Variants in RNF31 observed in about 807,000 individuals in gnomAD.
The protein encoded by RNF31 is E3 ubiquitin-protein ligase RNF31.
Under a neutral mutation model 133.6 loss-of-function variants are expected in RNF31, and 38 were observed. That is an observed-to-expected ratio of 0.28 (90% CI 0.22 to 0.37). The LOEUF (loss-of-function observed/expected upper bound fraction) is 0.37, where lower values mean the gene tolerates loss of function less well. RNF31 is among the 10% of genes least tolerant of loss of function. RNF31 has a pLI of 1.00. For missense variants in RNF31, 1,118 were observed against 1,394.1 expected (o/e 0.80, Z 3.15); for synonymous variants, 582 against 552.3 (o/e 1.05, Z -0.75).
In RNF31 at chr14:24,147,705, G is replaced by A; in HGVS notation, c.7G>A (p.Gly3Arg). The A allele has an allele frequency of 6.6e-7, 1 of 1,517,538 alleles. No homozygotes were observed. The highest frequency in any genetic ancestry group is 2.3e-4 in the Middle Eastern group (1 of 4,366). 94.0% of individuals were successfully genotyped at this position (1,517,538 alleles called of 1,614,324 possible). The change falls in exon 1 of 21, where the codon GGG (glycine) becomes AGG (arginine). Residue 3 changes from glycine (G) to arginine (R), a missense_variant. Physicochemically the swap from Gly to Arg is moderately radical, Grantham distance 125. Transcript: ENST00000324103. ...GGCTGACTCCTGCCTCAGGATGCCG[G>A]GGGAGGAAGAGGAGCGGGCCTTCCT... is the stretch of plus-strand genomic sequence containing the variant. MP[G>R]EEEERAFLVA...
Position 24,150,082 on chromosome 14 carries a change from A to G in RNF31, c.831A>G (p.Pro277=), listed in dbSNP as rs769494340. The G allele has an allele frequency of 6.3e-7, 1 of 1,590,768 alleles. No homozygotes were observed. The highest frequency in any genetic ancestry group is 8.6e-7 in the Non-Finnish European group (1 of 1,165,948). The change falls in exon 7 of 21, where the codon CCA becomes CCG. Residue 277 remains proline, a synonymous_variant. Coordinates refer to ENST00000324103, the MANE Select transcript of RNF31 (RefSeq NM_017999.5). The stretch of plus-strand genomic sequence containing the variant: ...ACAGTTTACCTGCCTCAGCCCAACC[A>G]CGGCCCCAGTCGACCTCCCTGCTGG... ...LSPSLPASAQ[P]RPQSTSLLAL...
chr14:24,157,221 G>C, intron 14 of RNF31, 69 bp from the exon 15 acceptor site: 1 of 1,186,380 alleles, frequency 8.4e-7, no homozygotes, highest in South Asian at 1.5e-5. Context: ...GATGTGAGTG[G>C]AGGGGCCAGC....
intron 14 of RNF31, among the ~76,000 whole-genome samples, chr14:24,156,735 C>T (rs2038345575): frequency 6.6e-6 from 1 of 151,630 alleles, no homozygotes; most frequent in Admixed American, 6.6e-5. Flanking sequence ...GCCAAGATCA[C>T]GCCATTGCAC....
intron 18 of RNF31, 41 bp downstream of exon 18, chr14:24,158,240 GCTGGGCTCCC>G: frequency 6.3e-7 from 1 of 1,590,980 alleles, no homozygotes; most frequent in Admixed American, 1.7e-5. Flanking sequence ...GAGATGGTGT[GCTGGGCTCCC>G]ACCGTGTGAT....
intron 11 of RNF31, among the ~76,000 whole-genome samples, chr14:24,154,057 G>T (rs112533935): frequency 6.7e-6 from 1 of 149,492 alleles, no homozygotes; most frequent in Admixed American, 6.7e-5. Context: ...GCGCAGTCGC[G>T]CAATCATGGC....
At chr14:24,157,792 A>T (rs941428600) in intron 16 of RNF31, 106 bp from the exon 17 acceptor site, 1 of 1,121,846 alleles carries the variant, frequency 8.9e-7, no homozygotes, top group African/African-American at 1.5e-5. Flanking sequence ...TTGCTCCTCC[A>T]ATGTCTCCAT....
In RNF31 at chr14:24,160,228, T is replaced by C. The variant is rs747068611; in HGVS notation, c.2997-11T>C. ...CAACACAACAAATATTCTGCTCCCTTTTCTCCCCAGGGCACACTACAAAGA... is the reference window on the plus strand; with the variant it reads ...CAACACAACAAATATTCTGCTCCCTCTTCTCCCCAGGGCACACTACAAAGA... On this transcript the variant is annotated splice_polypyrimidine_tract_variant and intron_variant, in intron 19 of 20. Transcript: ENST00000324103. The surrounding 1 kb of genome is among the most constrained non-coding windows in gnomAD (Gnocchi z 4.0). 4.4e-6 allele frequency: 7 copies of C among 1,606,248 alleles called. No individual in the cohort carries two copies. In the East Asian group the frequency reaches 1.6e-4, roughly 36 times the overall value.
Position 24,155,124 on chromosome 14 carries a change from T to C in RNF31, c.2131-33T>C, listed in dbSNP as rs2038322542. 2 of 1,603,516 alleles carry C rather than the reference T, an allele frequency of 1.2e-6. No individual in the cohort carries two copies. The highest frequency in any genetic ancestry group is 1.7e-6 in the Non-Finnish European group (2 of 1,172,248). On this transcript the variant is annotated intron_variant, in intron 11 of 20. Coordinates refer to ENST00000324103, the MANE Select transcript of RNF31 (RefSeq NM_017999.5). The surrounding 1 kb of genome is among the most constrained non-coding windows in gnomAD (Gnocchi z 4.9). ...TCCCTAGCCTGGCAGCTGTGGCTTC[T>C]GACCCCCTCCCCTCCAACCCCTCAC...
chr14:24,148,851 C>A lies in RNF31; in HGVS notation c.606C>A (p.Gly202=), dbSNP rs562575602. 1.2e-6 allele frequency: 2 copies of A among 1,614,126 alleles called. No individual in the cohort carries two copies. The highest frequency in any genetic ancestry group is 1.3e-5 in the African/African-American group (1 of 75,040). ...CCCTATTGAGAGAGATTGCTCCTGG[C>A]CCCCTCACCACACCCTCTGTCCCAG... The part of the protein sequence containing the change: ...FDPLLREIAP[G]PLTTPSVPGS... The change falls in exon 5 of 21, where the codon GGC becomes GGA. Residue 202 remains glycine (G), a synonymous_variant. Transcript: ENST00000324103.
chr14:24,148,344 T>G lies in RNF31; in HGVS notation c.426T>G (p.Asp142Glu). 1 of 1,614,206 alleles carries G rather than the reference T, an allele frequency of 6.2e-7. No homozygotes were observed. Among genetic ancestry groups the G allele is most frequent in the South Asian group, 1.1e-5 (1 of 91,084 alleles). The part of the protein sequence containing the change: ...LSFPEGQEEP[D>E]EHQVATVTLE... The stretch of plus-strand genomic sequence containing the variant: ...TCCCCGAAGGGCAGGAGGAGCCAGA[T>G]GAGCACCAGGTTGCTACAGTCACAC... Residue 142 changes from aspartate to glutamate, a missense_variant, in exon 3 of 21, where the codon GAT becomes GAG. Physicochemically the swap from Asp to Glu is conservative, Grantham distance 45 (BLOSUM62 2). This residue lies in a region of RNF31 where 747 missense variants were observed against 827.9 expected (regional missense o/e 0.90). Transcript: ENST00000324103.
Position 24,160,073 on chromosome 14 carries a change from G to A in RNF31, c.2996+113G>A. The stretch of plus-strand genomic sequence containing the variant: ...GCAGTAGGTCTTGCAGTGGGTGGGA[G>A]GGAGGAGGCTTTCTGGGCAAGGGCA... On this transcript the variant is annotated intron_variant, in intron 19 of 20. Coordinates refer to ENST00000324103, the MANE Select transcript of RNF31 (RefSeq NM_017999.5). The surrounding 1 kb of genome is among the most constrained non-coding windows in gnomAD (Gnocchi z 4.0). The A allele has an allele frequency of 7.6e-7, 1 of 1,322,796 alleles. No homozygotes were observed. Among genetic ancestry groups the A allele is most frequent in the South Asian group, 1.3e-5 (1 of 78,028 alleles). The allele number at this position is 1,322,796 out of a possible 1,614,324, so 81.9% of individuals were successfully genotyped here.
chr14:24,152,004 C>T lies in RNF31; in HGVS notation c.2130+12C>T. 1.2e-6 allele frequency: 2 copies of T among 1,612,084 alleles called. No homozygotes were observed. Among genetic ancestry groups the T allele is most frequent in the Non-Finnish European group, 1.7e-6 (2 of 1,178,758 alleles). On this transcript the variant is annotated intron_variant, in intron 11 of 20. Coordinates refer to ENST00000324103, the MANE Select transcript of RNF31 (RefSeq NM_017999.5). ...TGCCCCACAACCGGGTAAGTCCCTC[C>T]CCACGATACCTGGTCCAAGAATTAC...
At position 24,160,034 on chromosome 14, in the gene RNF31, A is replaced by G; in HGVS notation, c.2996+74A>G. On this transcript the variant is annotated intron_variant, in intron 19 of 20. Transcript: ENST00000324103. This position sits in a 1 kb window ranked among gnomAD's most constrained non-coding sequence, Gnocchi z 4.0. ...GGTGAGGGCATGCCCAGGCAGTAAA[A>G]TGGGTCCTTGGGAGCAGTAGGTCTT... 1.4e-6 allele frequency: 2 copies of G among 1,471,426 alleles called. No homozygotes were observed. The highest frequency in any genetic ancestry group is 1.2e-5 in the South Asian group (1 of 86,654). The allele number at this position is 1,471,426 out of a possible 1,614,324, so 91.1% of individuals were successfully genotyped here.
At chr14:24,157,790 C>G in intron 16 of RNF31, 108 bp from the exon 17 acceptor site, 2 of 1,115,340 alleles carry the variant, frequency 1.8e-6, no homozygotes, top group South Asian at 2.7e-5. Context: ...GCTTGCTCCT[C>G]CAATGTCTCC....
intron 11 of RNF31, among the ~76,000 whole-genome samples, chr14:24,153,493 C>A (rs951547031): frequency 2.0e-5 from 3 of 151,980 alleles, no homozygotes; most frequent in African/African-American, 7.3e-5. Context: ...AGGAGAATCG[C>A]TTGAACCTGG....
intron 18 of RNF31, among the ~76,000 whole-genome samples, chr14:24,158,906 G>T (rs1022153043): frequency 2.0e-5 from 3 of 151,486 alleles, no homozygotes; most frequent in Non-Finnish European, 2.9e-5. Flanking sequence ...GGTGGCGGGC[G>T]CCTGTAGTCC....
chr14:24,157,785 C>T, intron 16 of RNF31, 113 bp from the exon 17 acceptor site: 1 of 1,112,992 alleles, frequency 9.0e-7, no homozygotes, highest in Non-Finnish European at 1.4e-6. Flanking sequence ...CCTTTGCTTG[C>T]TCCTCCAATG....
chr14:24,158,569 CCT>C (rs1566617360), intron 18 of RNF31: 1 of 273,032 alleles, frequency 3.7e-6, no homozygotes, highest in Non-Finnish European at 7.0e-6. Flanking sequence ...ATGGTTCTAA[CCT>C]CTGTCACTTC....
chr14:24,159,807 T>C, intron 18 of RNF31, 57 bp from the exon 19 acceptor site: 1 of 1,405,480 alleles, frequency 7.1e-7, no homozygotes, highest in Non-Finnish European at 1.0e-6. Context: ...ATCCCAGTTC[T>C]GGAGCTTTGT....
Sources: allele counts gnomAD v4.1 joint callset (sites outside exome capture counted in the v4.1 genomes callset), GRCh38; gene constraint gnomAD v4.1.1; regional missense constraint gnomAD v4.1.1; non-coding constraint Gnocchi (gnomAD v3.1); transcripts MANE v1.5; gene names NCBI Gene and HGNC (gene_info 2026-07-23, HGNC 2026-07-21).